Variants in ROBO1 observed in about 807,000 individuals in gnomAD.
ROBO1 encodes roundabout guidance receptor 1.
A neutral mutation model predicts 195.9 loss-of-function variants in ROBO1; 149 were observed. The observed-to-expected ratio is 0.76, with a 90% confidence interval of 0.67 to 0.87. The LOEUF (loss-of-function observed/expected upper bound fraction) is 0.87. ROBO1 is among the 40% of genes least tolerant of loss of function. ROBO1 has a pLI of 0.00. For missense variants in ROBO1, 1,933 were observed against 2,068.3 expected (o/e 0.93, Z 1.27); for synonymous variants, 816 against 733.2 (o/e 1.11, Z -1.82).
chr3:79,526,700 A>C (rs1172623174), intron 2 of ROBO1: 1 of 152,172 alleles, frequency 6.6e-6, no homozygotes, highest in Non-Finnish European at 1.5e-5. Flanking sequence ...ATGAGAACTG[A>C]ATTTTTGTCT....
chr3:79,074,197 G>C (rs1001816623), intron 3 of ROBO1, among the ~76,000 whole-genome samples: 50 of 151,746 alleles, frequency 3.3e-4, no homozygotes, highest in African/African-American at 1.2e-3. Context: ...TCAAGCCTTG[G>C]ATAACTTCCA....
chr3:78,809,498 A>C (rs1029424348), intron 4 of ROBO1, among the ~76,000 whole-genome samples: 1 of 152,136 alleles, frequency 6.6e-6, no homozygotes, highest in African/African-American at 2.4e-5. Flanking sequence ...GGGTATATAC[A>C]CAAAGGATTA....
intron 2 of ROBO1, among the ~76,000 whole-genome samples, chr3:79,372,203 C>T (rs1183111368): frequency 7.0e-6 from 1 of 143,190 alleles, no homozygotes; most frequent in African/African-American, 2.6e-5. Context: ...TTCTAGCATT[C>T]TTTTTTTTTT....
At chr3:78,714,296 G>T in intron 8 of ROBO1, 101 bp downstream of exon 8, 1 of 1,161,850 alleles carries the variant, frequency 8.6e-7, no homozygotes, top group Non-Finnish European at 1.2e-6. Context: ...AATACTTAAA[G>T]TCTATATGTA....
Position 78,750,499 on chromosome 3 carries a change from A to AAATT in ROBO1, c.500-3600_500-3599insAATT, listed in dbSNP as rs1306575147. The stretch of plus-strand genomic sequence containing the variant: ...TAAATAAATAAATAAATAAATAAAT[A>AAATT]AAATAAAATAAAAAAGTTCACTAAT... On this transcript the variant is annotated intron_variant, in intron 4 of 30. Coordinates refer to ENST00000464233, the MANE Select transcript of ROBO1 (RefSeq NM_002941.4). 4.5e-5 allele frequency among the ~76,000 whole-genome samples: 6 copies of AAATT among 132,470 alleles called. No individual in the cohort carries two copies. The East Asian group carries it at 1.4e-3, about 31-fold the overall frequency. 86.9% of individuals were successfully genotyped at this position (132,470 alleles called of 152,430 possible).
chr3:78,913,936 C>A (rs1393099989), intron 4 of ROBO1, among the ~76,000 whole-genome samples: 1 of 152,088 alleles, frequency 6.6e-6, no homozygotes, highest in Non-Finnish European at 1.5e-5. Flanking sequence ...GGCCCCAGGC[C>A]TTGAGTTTTG....
At chr3:79,473,235 A>T (rs1301544195) in intron 2 of ROBO1, among the ~76,000 whole-genome samples, 5 of 152,112 alleles carry the variant, frequency 3.3e-5, no homozygotes, top group Non-Finnish European at 2.9e-5. Context: ...ACAGATACAG[A>T]GAGAAGACCA....
intron 2 of ROBO1, among the ~76,000 whole-genome samples, chr3:79,384,691 C>T (rs1287061786): frequency 6.6e-6 from 1 of 151,864 alleles, no homozygotes; most frequent in Non-Finnish European, 1.5e-5. Context: ...TATGATAAGT[C>T]CTAGATGTTG....
At chr3:78,694,880 AC>A (rs1433599414) in intron 8 of ROBO1, among the ~76,000 whole-genome samples, 3 of 152,124 alleles carry the variant, frequency 2.0e-5, no homozygotes, top group Admixed American at 6.5e-5. Context: ...GTTAAAATAA[AC>A]CCTTACTTAA....
intron 1 of ROBO1, among the ~76,000 whole-genome samples, chr3:79,717,490 G>T (rs747312623): frequency 1.8e-4 from 27 of 151,994 alleles, no homozygotes; most frequent in Non-Finnish European, 3.2e-4. Flanking sequence ...TAATTGGCAG[G>T]TGTGTTTGAC....
intron 4 of ROBO1, among the ~76,000 whole-genome samples, chr3:78,916,557 GAAAAAAAAAA>G (rs969858186): frequency 2.7e-5 from 2 of 74,158 alleles, no homozygotes; most frequent in South Asian, 5.4e-4. Context: ...GTCTCAAAAA[GAAAAAAAAAA>G]AAAAAAGAAA....
chr3:78,692,644 T>C (rs1160199077), intron 8 of ROBO1, among the ~76,000 whole-genome samples: 1 of 152,206 alleles, frequency 6.6e-6, no homozygotes, highest in Non-Finnish European at 1.5e-5. Flanking sequence ...GCATGCCCGT[T>C]TGCATATTCA....
rs1238057137 is a variant in ROBO1 at position 79,506,488 on chromosome 3, C to T, written c.88+83336G>A. ...TTTTTTTTTTTGAGATGGAGTCTCA[C>T]TCTGTTGCCAGGCTGGAAGGATCTC... On this transcript the variant is annotated intron_variant, in intron 2 of 30. Coordinates refer to ENST00000464233, the MANE Select transcript of ROBO1 (RefSeq NM_002941.4). Among the ~76,000 whole-genome samples the T allele has an allele frequency of 2.0e-5, 3 of 151,896 alleles. No homozygotes were observed. In the East Asian group the frequency reaches 5.8e-4, roughly 29 times the overall value.
intron 2 of ROBO1, among the ~76,000 whole-genome samples, chr3:79,518,558 T>C (rs983317673): frequency 6.6e-6 from 1 of 152,170 alleles, no homozygotes. Flanking sequence ...TTAGAAGACC[T>C]AGGAGGATTG....
In ROBO1 at chr3:78,668,196, T is replaced by C. The variant is rs1351814942; in HGVS notation, c.1737A>G (p.Leu579=). 1 of 1,613,428 alleles carries C rather than the reference T, an allele frequency of 6.2e-7. No individual in the cohort carries two copies. The highest frequency in any genetic ancestry group is 8.5e-7 in the Non-Finnish European group (1 of 1,179,518). The change falls in exon 13 of 31, where the codon TTA becomes TTG. Residue 579 remains leucine (L), a synonymous_variant. Transcript: ENST00000464233. Reference sequence around the variant, plus strand: ...CTGAATTCAAATTTGGTTGCCACGATAATGTGACTGTATTTCTGCTGACAT... The same window carrying C: ...CTGAATTCAAATTTGGTTGCCACGACAATGTGACTGTATTTCTGCTGACAT... The part of the protein sequence containing the change: ...VTDVSRNTVT[L]SWQPNLNSGA...
At chr3:79,688,709 A>C (rs968867126) in intron 1 of ROBO1, among the ~76,000 whole-genome samples, 15 of 152,102 alleles carry the variant, frequency 9.9e-5, no homozygotes, top group African/African-American at 2.9e-4. Flanking sequence ...ATTTAATTCA[A>C]ATCAAAACTA....
intron 10 of ROBO1, among the ~76,000 whole-genome samples, chr3:78,673,760 CATAAAT>C (rs1708236690): frequency 6.6e-6 from 1 of 150,458 alleles, no homozygotes; most frequent in Non-Finnish European, 1.5e-5. Context: ...TGTTAATATA[CATAAAT>C]ATATTTAGGA....
At chr3:78,971,802 G>A (rs1028971262) in intron 3 of ROBO1, among the ~76,000 whole-genome samples, 11 of 151,970 alleles carry the variant, frequency 7.2e-5, no homozygotes, top group African/African-American at 2.7e-4. Flanking sequence ...GTCTTGCACT[G>A]TCACCCAAGT....
intron 5 of ROBO1, among the ~76,000 whole-genome samples, chr3:78,736,166 T>C: frequency 6.6e-6 from 1 of 152,292 alleles, no homozygotes; most frequent in South Asian, 2.1e-4. Flanking sequence ...TAATTGTATG[T>C]GGAAATAAAA....
Sources: allele counts gnomAD v4.1 joint callset (sites outside exome capture counted in the v4.1 genomes callset), GRCh38; gene constraint gnomAD v4.1.1; transcripts MANE v1.5; gene names NCBI Gene and HGNC (gene_info 2026-07-23, HGNC 2026-07-21).